Variants in CMC1 observed in about 807,000 individuals in gnomAD.
The protein encoded by CMC1 is C-X9-C motif containing 1.
CMC1 carries 14 observed loss-of-function variants against 14.1 expected under a neutral mutation model. That is an observed-to-expected ratio of 0.99 (90% CI 0.66 to 1.55). CMC1 has a LOEUF of 1.55. Ranked by LOEUF, CMC1 falls within the 40% of genes most tolerant of loss-of-function variation. The probability of loss-of-function intolerance (pLI) is 0.00; values close to 1 mark genes in which losing one functional copy is unlikely to be tolerated. For missense variants in CMC1, 127 were observed against 123.8 expected, an observed-to-expected ratio of 1.03 and a Z score of -0.12; for synonymous variants, 50 against 38.4, an observed-to-expected ratio of 1.30 and a Z score of -1.12.
rs566820929 is a variant in CMC1, at chr3:28,241,851, C to T, written c.19+39C>T. The T allele has an allele frequency of 1.4e-4, 170 of 1,235,560 alleles. 1 individual carries two copies. The South Asian group carries it at 4.9e-3, about 36-fold the overall frequency. 76.5% of individuals were successfully genotyped at this position (1,235,560 alleles called of 1,614,324 possible). A position where few individuals can be genotyped will look rare whatever the true frequency, so the allele number is the denominator to read the frequency against. On this transcript the variant is annotated intron_variant, in intron 1 of 3. Transcript: ENST00000466830. ...AAGCGGGGTTTGCCGAGGGGCCTCG[C>T]CCCGGGTCTCACGCCGCGGGCCATG...
intron 2 of CMC1, among the ~76,000 whole-genome samples, chr3:28,309,781 C>T (rs1487540155): frequency 6.7e-6 from 1 of 150,258 alleles, no homozygotes; most frequent in Admixed American, 6.7e-5. Context: ...GCCTACTGGT[C>T]GTATTTGGTA....
At chr3:28,301,899 C>T (rs1266995312) in intron 2 of CMC1, among the ~76,000 whole-genome samples, 1 of 151,674 alleles carries the variant, frequency 6.6e-6, no homozygotes, top group African/African-American at 2.4e-5. Flanking sequence ...CCCATCAACA[C>T]ACACCAACCC....
chr3:28,270,986 G>A (rs1021486008), intron 2 of CMC1, among the ~76,000 whole-genome samples: 4 of 143,748 alleles, frequency 2.8e-5, no homozygotes, highest in South Asian at 2.2e-4. Context: ...GCAATGGCAC[G>A]GTCTTGGCTC....
At chr3:28,288,519 G>A (rs1701312136) in intron 2 of CMC1, among the ~76,000 whole-genome samples, 1 of 151,866 alleles carries the variant, frequency 6.6e-6, no homozygotes, top group Non-Finnish European at 1.5e-5. Flanking sequence ...AGGAAATTTT[G>A]GGTCTTACTA....
intron 1 of CMC1, among the ~76,000 whole-genome samples, chr3:28,256,201 GTA>G (rs370738862): frequency 7.3e-4 from 108 of 147,410 alleles, no homozygotes; most frequent in South Asian, 1.7e-3. Flanking sequence ...ATGTGTGTGT[GTA>G]TATATATATA....
At chr3:28,267,066 C>G (rs923744793) in intron 2 of CMC1, among the ~76,000 whole-genome samples, 4 of 152,084 alleles carry the variant, frequency 2.6e-5, no homozygotes, top group African/African-American at 9.7e-5. Flanking sequence ...GGAGTTAGCA[C>G]CTTGTGTCTT....
At chr3:28,303,306 T>TA (rs1444584759) in intron 2 of CMC1, among the ~76,000 whole-genome samples, 1 of 152,182 alleles carries the variant, frequency 6.6e-6, no homozygotes, top group Non-Finnish European at 1.5e-5. Flanking sequence ...CCACCTGAAA[T>TA]AAGACAGTTT....
rs1703173368 is a variant in CMC1, at chr3:28,321,077, ATTTTAC to A, written c.*1454_*1459del. Reference sequence around the variant, plus strand: ...TCTTGAGTGAACCACTCAAAAAACTATTTTACTTTTATTTGAAATACAAAGAAACCA... The same window carrying A: ...TCTTGAGTGAACCACTCAAAAAACTATTTTATTTGAAATACAAAGAAACCA... On this transcript the variant is annotated 3_prime_UTR_variant, in exon 4 of 4. Coordinates refer to ENST00000466830, the MANE Select transcript of CMC1 (RefSeq NM_182523.2). 6.6e-6 allele frequency: 1 copy of A among 151,416 alleles called. No homozygotes were observed. The highest frequency in any genetic ancestry group is 1.5e-5 in the Non-Finnish European group (1 of 67,596). The allele number at this position is 151,416 out of a possible 1,614,324, so 9.4% of individuals were successfully genotyped here.
intron 2 of CMC1, among the ~76,000 whole-genome samples, chr3:28,266,237 A>C (rs1363958123): frequency 6.6e-6 from 1 of 152,226 alleles, no homozygotes; most frequent in Non-Finnish European, 1.5e-5. Context: ...GCAATAGATA[A>C]CATTTAGAAT....
intron 1 of CMC1, among the ~76,000 whole-genome samples, chr3:28,249,671 G>T (rs992270182): frequency 8.5e-5 from 13 of 152,162 alleles, no homozygotes; most frequent in African/African-American, 2.4e-4. Flanking sequence ...CCTCTCAGGT[G>T]GTTCTTGGGT....
At chr3:28,268,702 G>A (rs1222323392) in intron 2 of CMC1, among the ~76,000 whole-genome samples, 1 of 152,170 alleles carries the variant, frequency 6.6e-6, no homozygotes, top group Non-Finnish European at 1.5e-5. Flanking sequence ...TGTCATGCCT[G>A]CTATGTTAAC....
intron 2 of CMC1, among the ~76,000 whole-genome samples, chr3:28,299,669 TCTAGTTA>T (rs1701923254): frequency 1.3e-5 from 2 of 152,156 alleles, no homozygotes. Context: ...TGATATATTT[TCTAGTTA>T]CTAATTTTAA....
Position 28,271,393 on chromosome 3 carries a change from G to A in CMC1, c.109+8013G>A, listed in dbSNP as rs527795381. ...TAATTTTTGTATAAGGTGTAAGGAA[G>A]GGGTCCAGTTTCAGTTTTCTGCATA... is the stretch of plus-strand genomic sequence containing the variant. On this transcript the variant is annotated intron_variant, in intron 2 of 3. Coordinates refer to ENST00000466830, the MANE Select transcript of CMC1 (RefSeq NM_182523.2). Among the ~76,000 whole-genome samples, 222 of 152,258 alleles carry A rather than the reference G, an allele frequency of 1.5e-3. 1 individual carries two copies. The highest frequency in any genetic ancestry group is 0.013 in the East Asian group (65 of 5,188).
rs1482850449 is a variant in CMC1 at position 28,321,779 on chromosome 3, T to G, written c.*2150T>G. On this transcript the variant is annotated 3_prime_UTR_variant, in exon 4 of 4. Coordinates refer to ENST00000466830, the MANE Select transcript of CMC1 (RefSeq NM_182523.2). Reference sequence around the variant, plus strand: ...CCTGCTTTTAAGAATTCAGTTCCATTTTGGCAGCAACTCAGTAAGTCTTAC... The same window carrying G: ...CCTGCTTTTAAGAATTCAGTTCCATGTTGGCAGCAACTCAGTAAGTCTTAC... 1.3e-5 allele frequency: 2 copies of G among 151,484 alleles called. No individual in the cohort carries two copies. The highest frequency in any genetic ancestry group is 4.8e-5 in the African/African-American group (2 of 41,482). 9.4% of individuals were successfully genotyped at this position (151,484 alleles called of 1,614,324 possible).
chr3:28,316,240 T>C, intron 2 of CMC1, 93 bp from the exon 3 acceptor site: 1 of 640,106 alleles, frequency 1.6e-6, no homozygotes, highest in Non-Finnish European at 2.6e-6. Flanking sequence ...TGACAGGCTT[T>C]CTTTTTTTTT....
intron 2 of CMC1, among the ~76,000 whole-genome samples, chr3:28,278,057 T>A (rs1700679375): frequency 6.6e-6 from 1 of 152,022 alleles, no homozygotes; most frequent in East Asian, 1.9e-4. Flanking sequence ...ATTGTGTGAT[T>A]GATGTGATTG....
At chr3:28,271,674 A>G (rs1700300062) in intron 2 of CMC1, among the ~76,000 whole-genome samples, 1 of 152,208 alleles carries the variant, frequency 6.6e-6, no homozygotes. Context: ...TGTCTTGGCT[A>G]TATGGGCTCT....
intron 1 of CMC1, among the ~76,000 whole-genome samples, chr3:28,246,210 C>T (rs1423842891): frequency 1.3e-5 from 2 of 151,728 alleles, no homozygotes; most frequent in Non-Finnish European, 2.9e-5. Context: ...CTAACATCTA[C>T]ATTTTGTATA....
intron 2 of CMC1, among the ~76,000 whole-genome samples, chr3:28,306,380 G>A (rs187570564): frequency 6.6e-5 from 10 of 151,904 alleles, no homozygotes; most frequent in Admixed American, 4.6e-4. Flanking sequence ...TGGAGTTCTC[G>A]TAGAGCTCTT....
Sources: allele counts gnomAD v4.1 joint callset (sites outside exome capture counted in the v4.1 genomes callset), GRCh38; gene constraint gnomAD v4.1.1; transcripts MANE v1.5; gene names NCBI Gene and HGNC (gene_info 2026-07-23, HGNC 2026-07-21).